Variants in BABAM2 observed in about 807,000 individuals in gnomAD.
BABAM2 encodes BRISC and BRCA1 A complex member 2.
BABAM2 carries 31 observed loss-of-function variants against 54.7 expected under a neutral mutation model. That is an observed-to-expected ratio of 0.57 (90% CI 0.43 to 0.77). The LOEUF is 0.77. Ranked by LOEUF, BABAM2 falls within the 30% of genes least tolerant of loss-of-function variation. The pLI is 0.00. For missense variants in BABAM2, 364 were observed against 455.8 expected, an observed-to-expected ratio of 0.80 and a Z score of 1.83; for synonymous variants, 167 against 162.9, an observed-to-expected ratio of 1.03 and a Z score of -0.19.
rs1299035809 is a variant in BABAM2, at chr2:27,916,434, AG to A, written c.129-13397del. Among the ~76,000 whole-genome samples the A allele has an allele frequency of 2.6e-5, 4 of 152,234 alleles. No individual in the cohort carries two copies. The East Asian group carries it at 5.8e-4, about 22-fold the overall frequency. On this transcript the variant is annotated intron_variant, in intron 2 of 11. Coordinates refer to ENST00000379624, the MANE Select transcript of BABAM2 (RefSeq NM_199191.3). ...CTCTTATATAACATTTACTAATATG[AG>A]TAATAATTACCAGCATTCCCACAGT... is the stretch of plus-strand genomic sequence containing the variant.
chr2:28,157,640 C>G (rs957605949), intron 7 of BABAM2, among the ~76,000 whole-genome samples: 10 of 152,316 alleles, frequency 6.6e-5, no homozygotes, highest in African/African-American at 2.2e-4. Flanking sequence ...TGGAGTCTCT[C>G]TCTGTCACCA....
intron 11 of BABAM2, among the ~76,000 whole-genome samples, chr2:28,316,352 A>G (rs564678881): frequency 2.9e-4 from 40 of 139,120 alleles, no homozygotes; most frequent in Non-Finnish European, 4.2e-4. Context: ...ATCAAATCTA[A>G]TGGGTCCCAC....
At chr2:27,991,979 T>C (rs1310856495) in intron 4 of BABAM2, among the ~76,000 whole-genome samples, 1 of 152,172 alleles carries the variant, frequency 6.6e-6, no homozygotes, top group Non-Finnish European at 1.5e-5. Flanking sequence ...TTACCAGAAG[T>C]GTATGAGTGT....
chr2:28,116,826 T>A (rs544857281), intron 6 of BABAM2, among the ~76,000 whole-genome samples: 2 of 152,356 alleles, frequency 1.3e-5, no homozygotes, highest in East Asian at 3.9e-4. Flanking sequence ...TTTTTGCTTC[T>A]CCAAATACCC....
At chr2:27,944,574 T>A (rs1445953192) in intron 3 of BABAM2, among the ~76,000 whole-genome samples, 2 of 152,376 alleles carry the variant, frequency 1.3e-5, no homozygotes, top group East Asian at 3.9e-4. Flanking sequence ...CTTTTATTGC[T>A]GTATAGCACT....
intron 6 of BABAM2, among the ~76,000 whole-genome samples, chr2:28,066,649 C>G (rs1237136030): frequency 6.6e-6 from 1 of 152,188 alleles, no homozygotes; most frequent in African/African-American, 2.4e-5. Context: ...AGATGGTTCA[C>G]TCACATGGCT....
At chr2:27,982,958 A>G (rs1237242169) in intron 3 of BABAM2, among the ~76,000 whole-genome samples, 1 of 151,850 alleles carries the variant, frequency 6.6e-6, no homozygotes, top group East Asian at 1.9e-4. Flanking sequence ...GCTATTGTGA[A>G]TCATGTTGCT....
intron 7 of BABAM2, among the ~76,000 whole-genome samples, chr2:28,165,378 A>T (rs1673542191): frequency 6.6e-6 from 1 of 152,150 alleles, no homozygotes; most frequent in Admixed American, 6.5e-5. Flanking sequence ...ATCTGAATGC[A>T]AAAACAGCAG....
chr2:28,193,588 CTGT>C (rs980485534), intron 7 of BABAM2, among the ~76,000 whole-genome samples: 2 of 152,184 alleles, frequency 1.3e-5, no homozygotes, highest in African/African-American at 2.4e-5. Flanking sequence ...GTTGTTATTT[CTGT>C]TGTTCTCCTG....
chr2:28,234,936 T>C (rs1681762905), intron 7 of BABAM2, among the ~76,000 whole-genome samples: 1 of 152,254 alleles, frequency 6.6e-6, no homozygotes, highest in African/African-American at 2.4e-5. Context: ...ACTCTAAGCG[T>C]AGCAAAAGGA....
intron 6 of BABAM2, among the ~76,000 whole-genome samples, chr2:28,112,147 T>TTCTTTCCTTCCTTCCCTCCC (rs1558346715): frequency 1.9e-4 from 1 of 5,240 alleles, no homozygotes; most frequent in Non-Finnish European, 3.2e-4. Flanking sequence ...CTTTCTTTCT[T>TTCTTTCCTTCCTTCCCTCCC]TACCTCCCTC....
intron 7 of BABAM2, among the ~76,000 whole-genome samples, chr2:28,133,741 T>C (rs1670287060): frequency 1.3e-5 from 2 of 152,252 alleles, no homozygotes; most frequent in South Asian, 4.1e-4. Flanking sequence ...CTTTTGGGTC[T>C]TGTCATCATA....
At chr2:28,083,040 C>T (rs558893407) in intron 6 of BABAM2, among the ~76,000 whole-genome samples, 9 of 152,298 alleles carry the variant, frequency 5.9e-5, no homozygotes, top group East Asian at 5.8e-4. Flanking sequence ...AATTCTGGCA[C>T]GTAAAATGAT....
intron 7 of BABAM2, among the ~76,000 whole-genome samples, chr2:28,212,216 T>C (rs1226030065): frequency 6.6e-6 from 1 of 152,216 alleles, no homozygotes; most frequent in Non-Finnish European, 1.5e-5. Flanking sequence ...TAAGGAAATA[T>C]AAACATTTTA....
At chr2:28,283,643 A>G (rs1686565257) in intron 10 of BABAM2, among the ~76,000 whole-genome samples, 1 of 152,184 alleles carries the variant, frequency 6.6e-6, no homozygotes, top group Admixed American at 6.5e-5. Flanking sequence ...TAAGAGTACA[A>G]GAAGAGTAAC....
At chr2:28,019,341 A>T (rs1022765937) in intron 4 of BABAM2, among the ~76,000 whole-genome samples, 2 of 150,382 alleles carry the variant, frequency 1.3e-5, no homozygotes, top group Admixed American at 6.6e-5. Context: ...TCTTAATGAG[A>T]TTTTTTTTTT....
intron 7 of BABAM2, among the ~76,000 whole-genome samples, chr2:28,209,825 G>A (rs374509410): frequency 1.3e-5 from 2 of 152,100 alleles, no homozygotes; most frequent in Non-Finnish European, 2.9e-5. Flanking sequence ...TGTTTTACCT[G>A]GGAGGGAGAT....
intron 5 of BABAM2, among the ~76,000 whole-genome samples, chr2:28,043,888 C>T (rs187417334): frequency 1.4e-4 from 21 of 152,258 alleles, no homozygotes; most frequent in Admixed American, 3.9e-4. Flanking sequence ...CACATAATGG[C>T]GTTCAATACT....
At chr2:27,982,843 G>GTGTA (rs1553405495) in intron 3 of BABAM2, among the ~76,000 whole-genome samples, 1 of 93,868 alleles carries the variant, frequency 1.1e-5, no homozygotes, top group African/African-American at 3.2e-5. Context: ...TTCATTATGT[G>GTGTA]TACACACACA....
Sources: gnomAD v4.1 joint callset for allele counts (sites outside exome capture counted in the v4.1 genomes callset) on GRCh38, gnomAD v4.1.1 for gene constraint, MANE v1.5 for transcripts, NCBI Gene and HGNC (gene_info 2026-07-23, HGNC 2026-07-21) for gene names.